The following FAM91A1 variants were observed in gnomAD, a reference collection of about 807,000 sequenced individuals.
FAM91A1 encodes family with sequence similarity 91 member A1.
Under a neutral mutation model 113.5 loss-of-function variants are expected in FAM91A1, and 41 were observed. That is an observed-to-expected ratio of 0.36 (90% confidence interval 0.28 to 0.47). The LOEUF (loss-of-function observed/expected upper bound fraction) is 0.47. Among genes scored for constraint, FAM91A1 ranks in the 20% least tolerant of loss-of-function variants. FAM91A1 has a pLI of 1.00. For missense variants in FAM91A1, 696 were observed against 1,001.2 expected, an observed-to-expected ratio of 0.70 and a Z score of 4.11; for synonymous variants, 307 against 347.9, an observed-to-expected ratio of 0.88 and a Z score of 1.31.
At position 123,813,013 on chromosome 8, in the gene FAM91A1, G is replaced by T. The variant is rs115076843; in HGVS notation, c.*309G>T. Reference sequence around the variant, plus strand: ...TGTTATGTTTATAAGCAGTCACTATGAAAATTGCAATGGTAATTTTATATG... The same window carrying T: ...TGTTATGTTTATAAGCAGTCACTATTAAAATTGCAATGGTAATTTTATATG... On this transcript the variant is annotated 3_prime_UTR_variant, in exon 24 of 24. Coordinates refer to ENST00000334705, the MANE Select transcript of FAM91A1 (RefSeq NM_144963.4). The T allele has an allele frequency of 5.2e-3, 1,052 of 202,318 alleles. 11 individuals are homozygous for T. Among genetic ancestry groups the T allele is most frequent in the African/African-American group, 0.023 (1,003 of 43,532 alleles). The allele number at this position is 202,318 out of a possible 1,614,324, so 12.5% of individuals were successfully genotyped here. A position where few individuals can be genotyped will look rare whatever the true frequency, so the allele number is the denominator to read the frequency against.
intron 16 of FAM91A1, 94 bp from the exon 17 acceptor site, chr8:123,799,426 A>AT (rs1215066195): frequency 8.7e-7 from 1 of 1,150,532 alleles, no homozygotes; most frequent in African/African-American, 1.6e-5. Context: ...TGCAGTTAAC[A>AT]TTTATGTGAA....
At chr8:123,790,367 C>T (rs1815355219) in intron 15 of FAM91A1, among the ~76,000 whole-genome samples, 1 of 152,072 alleles carries the variant, frequency 6.6e-6, no homozygotes, top group Admixed American at 6.6e-5. Context: ...GATTTGGATT[C>T]AGTAGGTTTT....
In FAM91A1 at chr8:123,780,488, A is replaced by G. The variant is rs779501705; in HGVS notation, c.649A>G (p.Asn217Asp). The change falls in exon 8 of 24, where the codon AAC (asparagine) becomes GAC (aspartate). Residue 217 changes from asparagine (N) to aspartate (D), a missense_variant. Coordinates refer to ENST00000334705, the MANE Select transcript of FAM91A1 (RefSeq NM_144963.4). ...TACTTTTGTTTCTTCAGGTTTGTAT[A>G]ACAAAGGATTTATTTATCTGGATGT... ...LDYNVVHSLY[N>D]KGFIYLDVPI... 1 of 1,611,488 alleles carries G rather than the reference A, an allele frequency of 6.2e-7. No homozygotes were observed. Among genetic ancestry groups the G allele is most frequent in the Non-Finnish European group, 8.5e-7 (1 of 1,178,872 alleles).
In FAM91A1 at chr8:123,812,700, A is replaced by C; in HGVS notation, c.2513A>C (p.Gln838Pro). Residue 838 changes from glutamine to proline, a missense_variant, in exon 24 of 24, where the codon CAA becomes CCA. Transcript: ENST00000334705. ...SSLLIANLHLQ is the reference protein window; with the variant it reads ...SSLLIANLHLP ...CTTCTTATTGCTAATCTCCATTTGC[A>C]ATAATTTGGTTACACCATTTGTTGC... 1 of 1,574,526 alleles carries C rather than the reference A, an allele frequency of 6.4e-7. No individual in the cohort carries two copies. Among genetic ancestry groups the C allele is most frequent in the Non-Finnish European group, 8.6e-7 (1 of 1,164,490 alleles).
intron 23 of FAM91A1, 128 bp from the exon 24 acceptor site, chr8:123,812,391 C>CGG: frequency 2.1e-6 from 1 of 477,308 alleles, no homozygotes; most frequent in African/African-American, 2.9e-5. Flanking sequence ...TAGATCTTTG[C>CGG]ATCTCCTGTA....
chr8:123,778,594 T>C (rs2130059159), intron 5 of FAM91A1, 65 bp from the exon 6 acceptor site: 2 of 1,073,546 alleles, frequency 1.9e-6, no homozygotes, highest in South Asian at 2.6e-5. Flanking sequence ...TCTTATGATA[T>C]GATTGATGAA....
Position 123,799,887 on chromosome 8 carries a change from T to A in FAM91A1, c.1809+2T>A. The A allele has an allele frequency of 6.4e-7, 1 of 1,560,842 alleles. No homozygotes were observed. The highest frequency in any genetic ancestry group is 8.7e-7 in the Non-Finnish European group (1 of 1,149,326). On this transcript the variant is annotated splice_donor_variant, in intron 18 of 23. Transcript: ENST00000334705. LOFTEE classifies it high-confidence loss of function. Reference sequence around the variant, plus strand: ...ACACATTCTGCAGTTTTAATTCAGGTACATTTATCTTATTTGAAATTTTGT... The same window carrying A: ...ACACATTCTGCAGTTTTAATTCAGGAACATTTATCTTATTTGAAATTTTGT...
intron 1 of FAM91A1, among the ~76,000 whole-genome samples, chr8:123,771,398 C>T (rs903498219): frequency 2.7e-4 from 41 of 152,118 alleles, no homozygotes; most frequent in Non-Finnish European, 5.6e-4. Flanking sequence ...ACTTCGATGT[C>T]GTTTCCAGTA....
chr8:123,788,077 C>A (rs973794444), intron 14 of FAM91A1: 2 of 612,892 alleles, frequency 3.3e-6, no homozygotes, highest in Non-Finnish European at 4.1e-6. Context: ...AATTTTTTTT[C>A]TGGTATGACT....
chr8:123,787,822 A>G, intron 14 of FAM91A1, 72 bp downstream of exon 14: 1 of 1,212,910 alleles, frequency 8.2e-7, no homozygotes, highest in Non-Finnish European at 1.2e-6. Context: ...AATGCCAATT[A>G]TACAGTCTGT....
At chr8:123,798,967 T>C (rs761734684) in intron 16 of FAM91A1, among the ~76,000 whole-genome samples, 11 of 152,234 alleles carry the variant, frequency 7.2e-5, no homozygotes, top group Non-Finnish European at 1.5e-4. Flanking sequence ...TAATTCTCTG[T>C]GCACACCACC....
chr8:123,803,322 T>A (rs925083245), intron 18 of FAM91A1, among the ~76,000 whole-genome samples: 1 of 152,072 alleles, frequency 6.6e-6, no homozygotes, highest in African/African-American at 2.4e-5. Flanking sequence ...ATTTATTTAT[T>A]GTTTTGAGAC....
At position 123,774,094 on chromosome 8, in the gene FAM91A1, A is replaced by C. The variant is rs1220238823; in HGVS notation, c.87A>C (p.Ser29=). The C allele has an allele frequency of 1.2e-6, 2 of 1,606,888 alleles. No homozygotes were observed. Among genetic ancestry groups the C allele is most frequent in the African/African-American group, 2.7e-5 (2 of 74,744 alleles). Reference sequence around the variant, plus strand: ...ATTTCTCCTAGAGTCTTGGAAATTCACAGAGAGAATATGAAAAGCAGGTTG... The same window carrying C: ...ATTTCTCCTAGAGTCTTGGAAATTCCCAGAGAGAATATGAAAAGCAGGTTG... ...PANVRQSLGN[S]QREYEKQVVL... Residue 29 remains serine (S), a synonymous_variant, in exon 2 of 24, where the codon TCA becomes TCC. Coordinates refer to ENST00000334705, the MANE Select transcript of FAM91A1 (RefSeq NM_144963.4).
At chr8:123,788,609 T>G (rs1815313266) in intron 14 of FAM91A1, among the ~76,000 whole-genome samples, 1 of 152,178 alleles carries the variant, frequency 6.6e-6, no homozygotes, top group Admixed American at 6.5e-5. Flanking sequence ...ATACTGCCAT[T>G]TATTTCTTCA....
intron 18 of FAM91A1, among the ~76,000 whole-genome samples, chr8:123,804,273 G>C (rs1396551617): frequency 6.6e-6 from 1 of 151,870 alleles, no homozygotes; most frequent in Non-Finnish European, 1.5e-5. Context: ...ATCACCTGAG[G>C]TCAGGAGTTC....
chr8:123,808,284 T>C lies in FAM91A1; in HGVS notation c.2045T>C (p.Leu682Ser), dbSNP rs1815860175. The C allele has an allele frequency of 3.1e-6, 5 of 1,612,456 alleles. No homozygotes were observed. The highest frequency in any genetic ancestry group is 3.4e-6 in the Non-Finnish European group (4 of 1,179,446). ...DASDERGEPDLASGSDVNGST... is the reference protein window; with the variant it reads ...DASDERGEPDSASGSDVNGST... ...CTTTAATTATAAGGAGAACCTGATT[T>C]GGCTTCTGGCTCAGATGTAAATGGG... Residue 682 changes from leucine (L) to serine (S), a missense_variant, in exon 21 of 24, where the codon TTG becomes TCG. Coordinates refer to ENST00000334705, the MANE Select transcript of FAM91A1 (RefSeq NM_144963.4).
Position 123,784,576 on chromosome 8 carries a change from G to A in FAM91A1, c.810G>A (p.Glu270=), listed in dbSNP as rs979896718. 54 of 1,588,678 alleles carry A rather than the reference G, an allele frequency of 3.4e-5. No individual in the cohort carries two copies. Among genetic ancestry groups the A allele is most frequent in the Non-Finnish European group, 4.5e-5 (53 of 1,169,496 alleles). Residue 270 remains glutamate, a splice_region_variant and synonymous_variant, in exon 9 of 24, where the codon GAG becomes GAA. Coordinates refer to ENST00000334705, the MANE Select transcript of FAM91A1 (RefSeq NM_144963.4). ...VSIDEHTNVA[E]LANVLEIDLS... ...TAGATGAGCACACAAATGTTGCAGA[G>A]GTAAGTTTGACAACGTCTCATGAAA...
intron 16 of FAM91A1, 36 bp downstream of exon 16, chr8:123,798,274 C>G: frequency 6.2e-7 from 1 of 1,601,690 alleles, no homozygotes; most frequent in Non-Finnish European, 8.5e-7. Context: ...TTGGTAGTGT[C>G]ATGAGTCCCA....
rs777768470 is a variant in FAM91A1, at chr8:123,787,387, T to G, written c.1191+14T>G. 3 of 1,581,480 alleles carry G rather than the reference T, an allele frequency of 1.9e-6. No individual in the cohort carries two copies. Among genetic ancestry groups the G allele is most frequent in the South Asian group, 1.1e-5 (1 of 89,972 alleles). On this transcript the variant is annotated intron_variant, in intron 13 of 23. Transcript: ENST00000334705. ...AATCTTTCACCAGTAAGCCCAATTC[T>G]TGTTTAAATATGAAGGTGTTTAAAA...
Sources: allele counts gnomAD v4.1 joint callset (sites outside exome capture counted in the v4.1 genomes callset), GRCh38; gene constraint gnomAD v4.1.1; transcripts MANE v1.5; gene names NCBI Gene and HGNC (gene_info 2026-07-23, HGNC 2026-07-21).